Variants in CADM2 observed in about 807,000 individuals in gnomAD.
CADM2 encodes immunoglobulin superfamily member 4D.
In CADM2, 12 loss-of-function variants were observed where a neutral mutation model predicts 49.8. That is an observed-to-expected ratio of 0.24 (90% CI 0.15 to 0.39). The LOEUF is 0.39. Among genes scored for constraint, CADM2 ranks in the 10% least tolerant of loss-of-function variants. CADM2 has a pLI of 1.00. For synonymous variants in CADM2, 214 were observed against 175.4 expected (o/e 1.22, Z -1.74); for missense variants, 378 against 492.3 (o/e 0.77, Z 2.20).
chr3:86,052,943 C>T (rs1737511785), intron 8 of CADM2, among the ~76,000 whole-genome samples: 1 of 152,080 alleles, frequency 6.6e-6, no homozygotes, highest in Admixed American at 6.6e-5. Flanking sequence ...TGTCTAGATC[C>T]ATGACTATCT....
intron 1 of CADM2, among the ~76,000 whole-genome samples, chr3:85,136,096 A>G (rs1036003697): frequency 1.3e-5 from 2 of 152,018 alleles, no homozygotes; most frequent in Non-Finnish European, 2.9e-5. Context: ...AGGCAGAAAG[A>G]GGGTTGACAG....
chr3:84,969,502 T>A (rs1266999859), intron 1 of CADM2, among the ~76,000 whole-genome samples: 1 of 134,054 alleles, frequency 7.5e-6, no homozygotes, highest in African/African-American at 2.7e-5. Flanking sequence ...GAATGTCTGG[T>A]CTATCTTTTT....
At chr3:85,441,379 T>A (rs566156420) in intron 1 of CADM2, among the ~76,000 whole-genome samples, 1 of 152,128 alleles carries the variant, frequency 6.6e-6, no homozygotes, top group South Asian at 2.1e-4. Context: ...AAACATAATA[T>A]TTATAATTTA....
chr3:85,309,096 C>T (rs1182200399), intron 1 of CADM2, among the ~76,000 whole-genome samples: 1 of 151,840 alleles, frequency 6.6e-6, no homozygotes, highest in African/African-American at 2.4e-5. Flanking sequence ...TATATTTGGG[C>T]CAAAGTTACA....
chr3:85,945,514 A>G (rs1056909537), intron 7 of CADM2, among the ~76,000 whole-genome samples: 3 of 152,154 alleles, frequency 2.0e-5, no homozygotes, highest in African/African-American at 7.2e-5. Context: ...ATGAAAATCA[A>G]TGCAAAAATC....
chr3:85,163,953 T>TC, intron 1 of CADM2, among the ~76,000 whole-genome samples: 1 of 152,074 alleles, frequency 6.6e-6, no homozygotes, highest in African/African-American at 2.4e-5. Context: ...CACTACTCAT[T>TC]CCCCCCAGGC....
At chr3:85,611,759 A>G (rs2063688633) in intron 1 of CADM2, among the ~76,000 whole-genome samples, 1 of 151,148 alleles carries the variant, frequency 6.6e-6, no homozygotes, top group Non-Finnish European at 1.5e-5. Flanking sequence ...CCGTTGAAGC[A>G]CACACAATTT....
chr3:85,522,151 C>T (rs924484821), intron 1 of CADM2, among the ~76,000 whole-genome samples: 9 of 152,088 alleles, frequency 5.9e-5, no homozygotes, highest in African/African-American at 1.7e-4. Flanking sequence ...GTTTTACTTT[C>T]TGTTAGGTGA....
chr3:85,835,674 AC>A (rs2074377304), intron 3 of CADM2, among the ~76,000 whole-genome samples: 1 of 149,648 alleles, frequency 6.7e-6, no homozygotes, highest in Non-Finnish European at 1.5e-5. Context: ...CATCTTTGAG[AC>A]CTTGTTTATG....
chr3:85,000,822 T>C (rs535773628), intron 1 of CADM2, among the ~76,000 whole-genome samples: 1 of 152,082 alleles, frequency 6.6e-6, no homozygotes, highest in South Asian at 2.1e-4. Context: ...TATGTGCCTA[T>C]GTATGTACAT....
intron 8 of CADM2, chr3:85,992,489 T>G (rs923826016): frequency 6.6e-6 from 1 of 152,130 alleles, no homozygotes; most frequent in Non-Finnish European, 1.5e-5. Flanking sequence ...ACAGATAAGT[T>G]TAAGTTTTCA....
At chr3:85,974,667 A>G (rs1726555155) in intron 8 of CADM2, among the ~76,000 whole-genome samples, 1 of 151,632 alleles carries the variant, frequency 6.6e-6, no homozygotes, top group South Asian at 2.1e-4. Context: ...AGCTGAAATT[A>G]TACTTCTGCA....
intron 1 of CADM2, among the ~76,000 whole-genome samples, chr3:85,569,252 C>T (rs544809560): frequency 3.0e-4 from 46 of 152,118 alleles, no homozygotes; most frequent in Non-Finnish European, 5.6e-4. Flanking sequence ...TCCCATGAGA[C>T]GCATGTAAAT....
chr3:85,587,017 T>G (rs1659966609), intron 1 of CADM2, among the ~76,000 whole-genome samples: 1 of 152,026 alleles, frequency 6.6e-6, no homozygotes. Flanking sequence ...TGGGATTCAT[T>G]TTGATAAAGT....
intron 1 of CADM2, among the ~76,000 whole-genome samples, chr3:85,576,475 G>C (rs550090352): frequency 6.6e-6 from 1 of 152,088 alleles, no homozygotes; most frequent in Non-Finnish European, 1.5e-5. Flanking sequence ...TTAAAGCAGT[G>C]CTTCCCAAAG....
intron 6 of CADM2, among the ~76,000 whole-genome samples, chr3:85,918,961 G>T (rs1181618996): frequency 6.6e-6 from 1 of 151,826 alleles, no homozygotes; most frequent in Admixed American, 6.6e-5. Context: ...AGAAGAAAAT[G>T]ACTGAATATT....
chr3:85,661,519 G>A (rs998193968), intron 1 of CADM2, among the ~76,000 whole-genome samples: 2 of 152,040 alleles, frequency 1.3e-5, no homozygotes, highest in Admixed American at 1.3e-4. Context: ...CTCTGAGGCA[G>A]CCAGTGGATG....
chr3:85,720,308 T>G (rs11920448), intron 1 of CADM2, among the ~76,000 whole-genome samples: 17,391 of 152,202 alleles, frequency 0.11, 1,946 homozygotes, highest in African/African-American at 0.28. Flanking sequence ...TTTGTGGTGT[T>G]GTGTCCATCG....
rs896350889 is a variant in CADM2, at chr3:85,910,945, A to G, written c.530-1428A>G. On this transcript the variant is annotated intron_variant, in intron 5 of 9. Transcript: ENST00000383699. ...ATGTCTATTAATCAAATGTTACATC[A>G]AATCCAATACTATTTTAAAAGCCCA... 3.9e-5 allele frequency among the ~76,000 whole-genome samples: 6 copies of G among 152,102 alleles called. No homozygotes were observed. In the East Asian group the frequency reaches 1.2e-3, roughly 29 times the overall value.
Sources: gnomAD v4.1 joint callset for allele counts (sites outside exome capture counted in the v4.1 genomes callset) on GRCh38, gnomAD v4.1.1 for gene constraint, MANE v1.5 for transcripts, NCBI Gene and HGNC (gene_info 2026-07-23, HGNC 2026-07-21) for gene names.